EXOC4: variants seen among roughly 807,000 people sequenced by gnomAD.
The protein encoded by EXOC4 is SEC8-like 1.
EXOC4 carries 71 observed loss-of-function variants against 107.2 expected under a neutral mutation model. That is an observed-to-expected ratio of 0.66 (90% CI 0.55 to 0.81). EXOC4 has a LOEUF of 0.81. Among genes scored for constraint, EXOC4 ranks in the 30% least tolerant of loss-of-function variants. The pLI, the probability that EXOC4 is intolerant of heterozygous loss-of-function variation, is 0.00. For synonymous variants in EXOC4, 456 were observed against 441.2 expected (o/e 1.03, Z -0.42); for missense variants, 1,108 against 1,189.6 (o/e 0.93, Z 1.01).
intron 10 of EXOC4, among the ~76,000 whole-genome samples, chr7:133,649,976 A>C (rs1229323363): frequency 1.3e-5 from 2 of 152,156 alleles, no homozygotes; most frequent in Admixed American, 6.6e-5. Context: ...TTCAGGAGTA[A>C]GAGAAAGTTT....
intron 11 of EXOC4, among the ~76,000 whole-genome samples, chr7:133,823,184 C>T (rs1397403886): frequency 6.6e-6 from 1 of 152,186 alleles, no homozygotes; most frequent in Non-Finnish European, 1.5e-5. Context: ...CTCTCTGCCC[C>T]AGTATTTGTC....
chr7:133,700,944 C>G (rs1034198545), intron 10 of EXOC4, among the ~76,000 whole-genome samples: 1 of 151,346 alleles, frequency 6.6e-6, no homozygotes, highest in South Asian at 2.1e-4. Flanking sequence ...AGTTCAAGGT[C>G]AGCCAGAGTA....
At chr7:134,030,004 G>T (rs1444223967) in intron 17 of EXOC4, among the ~76,000 whole-genome samples, 1 of 152,148 alleles carries the variant, frequency 6.6e-6, no homozygotes, top group Non-Finnish European at 1.5e-5. Context: ...TAACAGATTG[G>T]CAAGGGGTCA....
chr7:133,387,469 A>G (rs190609347), intron 7 of EXOC4, among the ~76,000 whole-genome samples: 28 of 152,196 alleles, frequency 1.8e-4, no homozygotes, highest in Non-Finnish European at 4.1e-4. Flanking sequence ...GTTGGCAAAC[A>G]TAGATAATTC....
intron 14 of EXOC4, among the ~76,000 whole-genome samples, chr7:133,949,411 T>A (rs1800634848): frequency 1.3e-5 from 2 of 152,196 alleles, no homozygotes; most frequent in Admixed American, 1.3e-4. Flanking sequence ...ATCCAATTTT[T>A]ATGAAAGGAA....
chr7:133,958,647 A>G (rs1800871478), intron 14 of EXOC4, among the ~76,000 whole-genome samples: 1 of 152,242 alleles, frequency 6.6e-6, no homozygotes, highest in Non-Finnish European at 1.5e-5. Flanking sequence ...GAGAATTGGC[A>G]TAGCTACTGA....
chr7:133,573,419 A>G (rs1167356774), intron 9 of EXOC4, among the ~76,000 whole-genome samples: 1 of 152,188 alleles, frequency 6.6e-6, no homozygotes, highest in Non-Finnish European at 1.5e-5. Flanking sequence ...TGCTTAGGAT[A>G]GCCCTTCACT....
chr7:133,959,632 C>T (rs1250166142), intron 14 of EXOC4, among the ~76,000 whole-genome samples: 52 of 151,832 alleles, frequency 3.4e-4, no homozygotes, highest in Admixed American at 3.4e-3. Flanking sequence ...AACAGACCTA[C>T]ATCCTCACCA....
chr7:133,309,148 G>A (rs902134963), intron 4 of EXOC4, among the ~76,000 whole-genome samples: 8 of 152,146 alleles, frequency 5.3e-5, no homozygotes, highest in African/African-American at 1.7e-4. Flanking sequence ...TGATCACCTT[G>A]AACTTCTTTT....
intron 9 of EXOC4, among the ~76,000 whole-genome samples, chr7:133,600,959 A>G (rs1801791772): frequency 6.6e-6 from 1 of 152,244 alleles, no homozygotes; most frequent in South Asian, 2.1e-4. Flanking sequence ...GTAATTAAAT[A>G]CTGTCAATGT....
intron 11 of EXOC4, among the ~76,000 whole-genome samples, chr7:133,870,963 A>C (rs919409266): frequency 2.0e-5 from 3 of 152,238 alleles, no homozygotes; most frequent in African/African-American, 7.2e-5. Flanking sequence ...GGTACTCGGT[A>C]GTCGTACTCA....
chr7:133,821,845 A>G (rs1797529331), intron 11 of EXOC4, among the ~76,000 whole-genome samples: 1 of 152,194 alleles, frequency 6.6e-6, no homozygotes, highest in Non-Finnish European at 1.5e-5. Context: ...TAGAGGAAAC[A>G]CTCAATATTT....
intron 10 of EXOC4, among the ~76,000 whole-genome samples, chr7:133,734,251 G>A (rs955104959): frequency 6.6e-6 from 1 of 152,130 alleles, no homozygotes; most frequent in Non-Finnish European, 1.5e-5. Flanking sequence ...TCAAATTATT[G>A]ATGAGAACAT....
At chr7:133,627,546 T>C (rs1346044602) in intron 9 of EXOC4, among the ~76,000 whole-genome samples, 1 of 152,230 alleles carries the variant, frequency 6.6e-6, no homozygotes, top group East Asian at 1.9e-4. Flanking sequence ...GTTTCTTCTA[T>C]ACACATCTCT....
intron 17 of EXOC4, among the ~76,000 whole-genome samples, chr7:134,033,610 G>A (rs1001556700): frequency 1.3e-5 from 2 of 152,112 alleles, no homozygotes; most frequent in African/African-American, 4.8e-5. Context: ...AGAATGAAGG[G>A]GAGGGGAAAT....
At chr7:133,942,827 C>T (rs537195840) in intron 14 of EXOC4, among the ~76,000 whole-genome samples, 2 of 152,168 alleles carry the variant, frequency 1.3e-5, no homozygotes, top group South Asian at 2.1e-4. Context: ...AGAATTTCTA[C>T]ACCTAAATAT....
intron 9 of EXOC4, among the ~76,000 whole-genome samples, chr7:133,589,953 T>G (rs1373451484): frequency 6.6e-6 from 1 of 152,110 alleles, no homozygotes; most frequent in Non-Finnish European, 1.5e-5. Context: ...CAGAAAAAAT[T>G]AGGCATGCGA....
At chr7:133,944,884 T>A (rs1800513528) in intron 14 of EXOC4, among the ~76,000 whole-genome samples, 4 of 152,172 alleles carry the variant, frequency 2.6e-5, no homozygotes, top group Admixed American at 2.6e-4. Context: ...ACAACCATAT[T>A]AATTTCAAAC....
At chr7:133,663,104 A>C (rs992009459) in intron 10 of EXOC4, among the ~76,000 whole-genome samples, 10 of 152,142 alleles carry the variant, frequency 6.6e-5, no homozygotes, top group African/African-American at 2.2e-4. Flanking sequence ...AAGTGTCACC[A>C]CCATTGTGAC....
Sources: gnomAD v4.1 joint callset for allele counts (sites outside exome capture counted in the v4.1 genomes callset) on GRCh38, gnomAD v4.1.1 for gene constraint, MANE v1.5 for transcripts, NCBI Gene and HGNC (gene_info 2026-07-23, HGNC 2026-07-21) for gene names.